Variants in EYS observed in about 807,000 individuals in gnomAD.
The protein encoded by EYS is protein eyes shut homolog.
In EYS, 250 loss-of-function variants were observed where a neutral mutation model predicts 282.1. That is an observed-to-expected ratio of 0.89 (90% CI 0.80 to 0.98). EYS has a LOEUF of 0.98. EYS is among the 50% of genes least tolerant of loss of function. The pLI is 0.00. For missense variants in EYS, 4,016 were observed against 3,709.0 expected (o/e 1.08, Z -2.15); for synonymous variants, 1,355 against 1,282.9 (o/e 1.06, Z -1.20).
intron 33 of EYS, among the ~76,000 whole-genome samples, chr6:64,062,921 G>T (rs1414676573): frequency 6.6e-6 from 1 of 151,856 alleles, no homozygotes; most frequent in Non-Finnish European, 1.5e-5. Context: ...CTCTAATCGG[G>T]CTTCTTCCTC....
chr6:65,366,601 G>A (rs1302234150), intron 8 of EYS, among the ~76,000 whole-genome samples: 2 of 151,730 alleles, frequency 1.3e-5, no homozygotes, highest in African/African-American at 2.4e-5. Flanking sequence ...TTACTTTGGT[G>A]TAAATTTTAA....
intron 18 of EYS, 27 bp downstream of exon 18, chr6:64,902,082 ATAAT>A: frequency 7.0e-7 from 1 of 1,432,732 alleles, no homozygotes; most frequent in Non-Finnish European, 9.5e-7. Flanking sequence ...CACACATCAA[ATAAT>A]TAATTTAATA....
intron 26 of EYS, among the ~76,000 whole-genome samples, chr6:64,550,126 G>C (rs1013384412): frequency 7.9e-5 from 12 of 151,938 alleles, no homozygotes; most frequent in Non-Finnish European, 1.8e-4. Context: ...TTTCTTAATC[G>C]AGTCTATCAT....
intron 9 of EYS, among the ~76,000 whole-genome samples, chr6:65,347,880 C>T (rs1770460560): frequency 1.3e-5 from 2 of 151,468 alleles, no homozygotes; most frequent in Admixed American, 1.3e-4. Context: ...ATCCACCTCA[C>T]TATCCTTCCA....
intron 12 of EYS, among the ~76,000 whole-genome samples, chr6:65,117,995 AACT>A (rs1775428934): frequency 6.6e-6 from 1 of 152,222 alleles, no homozygotes; most frequent in South Asian, 2.1e-4. Flanking sequence ...TACAGACAAT[AACT>A]ACAAGAGATA....
At chr6:63,876,003 C>T (rs1162756494) in intron 35 of EYS, among the ~76,000 whole-genome samples, 1 of 152,028 alleles carries the variant, frequency 6.6e-6, no homozygotes, top group Non-Finnish European at 1.5e-5. Flanking sequence ...TTATTTCTTG[C>T]CTTCTGCTAG....
chr6:64,804,908 A>C (rs1217732729), intron 22 of EYS, among the ~76,000 whole-genome samples: 1 of 116,654 alleles, frequency 8.6e-6, no homozygotes, highest in Non-Finnish European at 2.0e-5. Flanking sequence ...CTTCTGCTAA[A>C]ATCTATTTAT....
At chr6:64,502,172 T>G (rs945255285) in intron 26 of EYS, among the ~76,000 whole-genome samples, 1 of 152,060 alleles carries the variant, frequency 6.6e-6, no homozygotes, top group East Asian at 1.9e-4. Flanking sequence ...CAAGAAAGAG[T>G]GACAAGACTA....
chr6:64,570,898 A>G (rs1047326221), intron 26 of EYS, among the ~76,000 whole-genome samples: 11 of 152,156 alleles, frequency 7.2e-5, no homozygotes, highest in African/African-American at 2.7e-4. Flanking sequence ...AAGGATATTC[A>G]TGACTTGAAC....
intron 2 of EYS, among the ~76,000 whole-genome samples, chr6:65,519,338 T>C (rs1767261081): frequency 6.6e-6 from 1 of 151,746 alleles, no homozygotes. Flanking sequence ...AAACTTTAAA[T>C]GAGTTCGAAC....
chr6:64,460,650 T>C (rs1411535269), intron 26 of EYS, among the ~76,000 whole-genome samples: 1 of 152,226 alleles, frequency 6.6e-6, no homozygotes, highest in Non-Finnish European at 1.5e-5. Context: ...TCACAATCTA[T>C]CACTTTGCTT....
rs1768657972 is a variant in EYS, at chr6:64,930,022, C to T, written c.2381+15771G>A. Among the ~76,000 whole-genome samples the T allele has an allele frequency of 5.3e-5, 8 of 152,224 alleles. No individual in the cohort carries two copies. In the South Asian group the frequency reaches 1.7e-3, roughly 32 times the overall value. On this transcript the variant is annotated intron_variant, in intron 15 of 42. Coordinates refer to ENST00000503581, the MANE Select transcript of EYS (RefSeq NM_001142800.2). Reference sequence around the variant, plus strand: ...ACAAAATGATACAAACTGTAAGTGTCTGCTATAGATAATTGCTTTAATTAC... The same window carrying T: ...ACAAAATGATACAAACTGTAAGTGTTTGCTATAGATAATTGCTTTAATTAC...
chr6:65,691,719 T>C (rs948174010), intron 1 of EYS, among the ~76,000 whole-genome samples: 3 of 150,490 alleles, frequency 2.0e-5, no homozygotes, highest in South Asian at 2.1e-4. Context: ...TTTTAGGTCT[T>C]ACATTTAAGT....
In EYS at chr6:63,935,516, T is replaced by C. The variant is rs183999022; in HGVS notation, c.7055+48867A>G. On this transcript the variant is annotated intron_variant, in intron 35 of 42. Transcript: ENST00000503581. ...AGGATGGGCTTTCATCTAATTTGAC[T>C]GGTTTCCTGTAAAAAAATTTGAAAA... 7.9e-5 allele frequency among the ~76,000 whole-genome samples: 12 copies of C among 152,278 alleles called. No homozygotes were observed. In the East Asian group the frequency reaches 2.3e-3, roughly 29 times the overall value.
At chr6:65,639,397 CA>C (rs910867607) in intron 2 of EYS, among the ~76,000 whole-genome samples, 16 of 150,166 alleles carry the variant, frequency 1.1e-4, no homozygotes, top group East Asian at 2.0e-4. Context: ...TCCATTAACT[CA>C]AAAAAAAATT....
intron 28 of EYS, among the ~76,000 whole-genome samples, chr6:64,407,234 T>A (rs1284699344): frequency 6.9e-6 from 1 of 144,462 alleles, no homozygotes; most frequent in Non-Finnish European, 1.5e-5. Context: ...CACTCATAAG[T>A]GGGAGTTTAA....
At chr6:65,323,994 G>A (rs192297338) in intron 11 of EYS, among the ~76,000 whole-genome samples, 1,565 of 152,192 alleles carry the variant, frequency 0.01, 2 homozygotes, top group East Asian at 0.025. Context: ...CCTGAACTCA[G>A]TGCTGCCATT....
At position 64,289,109 on chromosome 6, in the gene EYS, CTGTTCTG is replaced by C. The variant is rs1768608161; in HGVS notation, c.6191+17854_6191+17860del. Among the ~76,000 whole-genome samples, 4 of 152,128 alleles carry C rather than the reference CTGTTCTG, an allele frequency of 2.6e-5. No individual in the cohort carries two copies. The South Asian group carries it at 8.3e-4, about 31-fold the overall frequency. ...CTTTAACCCATCACGCCTTCATTAT[CTGTTCTG>C]AGCTTATGTTTTCAGGCTTATCAAT... On this transcript the variant is annotated intron_variant, in intron 30 of 42. Transcript: ENST00000503581.
In EYS at chr6:65,470,287, T is replaced by G. The variant is rs139026673; in HGVS notation, c.862+20307A>C. 4.7e-4 allele frequency among the ~76,000 whole-genome samples: 71 copies of G among 152,232 alleles called. 1 individual carries two copies. The highest frequency in any genetic ancestry group is 1.6e-3 in the African/African-American group (66 of 41,548). ...TCTTTTCTCTAATTAATGGGTGCAA[T>G]GGGAAGTAAAGTGGCAAATACTATT... On this transcript the variant is annotated intron_variant, in intron 5 of 42. Transcript: ENST00000503581.
Sources: allele counts gnomAD v4.1 joint callset (sites outside exome capture counted in the v4.1 genomes callset), GRCh38; gene constraint gnomAD v4.1.1; transcripts MANE v1.5; gene names NCBI Gene and HGNC (gene_info 2026-07-23, HGNC 2026-07-21).